Variants in FALEC observed in about 807,000 individuals in gnomAD.
FALEC encodes focally amplified lncRNA on chromosome 1.
the FALEC span, among the ~76,000 whole-genome samples, chr1:150,527,480 A>G: frequency 2.0e-5 from 3 of 151,836 alleles, no homozygotes; most frequent in Admixed American, 2.0e-4. Flanking sequence ...GCTGGTCTTA[A>G]GCTCCTGACC....
downstream of FALEC, among the ~76,000 whole-genome samples, chr1:150,519,815 G>A (rs751378777): frequency 6.6e-6 from 1 of 151,726 alleles, no homozygotes; most frequent in African/African-American, 2.4e-5. Flanking sequence ...GGAGTGAGCC[G>A]AGATTGTGCC....
downstream of FALEC, among the ~76,000 whole-genome samples, chr1:150,522,914 C>CATATATATATACGTGT (rs1553907941): frequency 2.6e-4 from 15 of 58,774 alleles, no homozygotes; most frequent in African/African-American, 1.3e-3. Context: ...CATATATATA[C>CATATATATATACGTGT]ATATATATAT....
chr1:150,522,945 G>T (rs1399558732), downstream of FALEC, among the ~76,000 whole-genome samples: 2 of 8,700 alleles, frequency 2.3e-4, 1 homozygote, highest in Non-Finnish European at 3.6e-4. Flanking sequence ...GTGTGTGTGT[G>T]TGTGTATATA....
chr1:150,526,546 T>TGAGTCTTGCTCTGTTTGC, the FALEC span, among the ~76,000 whole-genome samples: 1 of 151,412 alleles, frequency 6.6e-6, no homozygotes, highest in South Asian at 2.1e-4. Context: ...TTTTTGATTC[T>TGAGTCTTGCTCTGTTTGC]CCTGCCTCAG....
the FALEC span, among the ~76,000 whole-genome samples, chr1:150,529,848 C>A: frequency 2.5e-4 from 38 of 152,302 alleles, no homozygotes; most frequent in African/African-American, 8.4e-4. Flanking sequence ...CCGCCCACCT[C>A]AGCCTCCCAA....
chr1:150,532,573 T>TA, the FALEC span, among the ~76,000 whole-genome samples: 3 of 151,804 alleles, frequency 2.0e-5, no homozygotes, highest in African/African-American at 7.2e-5. Flanking sequence ...GGGCCAGGGG[T>TA]TGCCAGCACC....
chr1:150,529,051 A>G, the FALEC span, among the ~76,000 whole-genome samples: 1 of 143,730 alleles, frequency 7.0e-6, no homozygotes, highest in African/African-American at 2.5e-5. Flanking sequence ...CAAAGGATCT[A>G]GAGCACAGGT....
At chr1:150,536,091 G>A in the FALEC span, among the ~76,000 whole-genome samples, 10 of 152,288 alleles carry the variant, frequency 6.6e-5, 1 homozygote, top group Admixed American at 6.5e-4. Context: ...TGAGCTGTGT[G>A]GATTCCAAGT....
At chr1:150,530,399 C>G in the FALEC span, among the ~76,000 whole-genome samples, 1 of 152,154 alleles carries the variant, frequency 6.6e-6, no homozygotes, top group African/African-American at 2.4e-5. Context: ...TCTGATCATT[C>G]TCTCCCCTCT....
chr1:150,519,412 T>G (rs1206958164), downstream of FALEC, among the ~76,000 whole-genome samples: 2 of 152,242 alleles, frequency 1.3e-5, no homozygotes, highest in Non-Finnish European at 2.9e-5. Context: ...ATTACATTAT[T>G]AATTTTTAAA....
At chr1:150,530,939 C>A in the FALEC span, among the ~76,000 whole-genome samples, 1 of 152,204 alleles carries the variant, frequency 6.6e-6, no homozygotes, top group South Asian at 2.1e-4. Context: ...TCAGGAACAA[C>A]ACACCTCAGT....
downstream of FALEC, among the ~76,000 whole-genome samples, chr1:150,521,096 C>T (rs150685934): frequency 3.3e-5 from 5 of 152,116 alleles, no homozygotes; most frequent in South Asian, 4.2e-4. Context: ...CCACCACGCC[C>T]GGCCTCATTT....
intron 1 of FALEC, chr1:150,517,630 C>G: frequency 6.6e-6 from 1 of 152,272 alleles, no homozygotes; most frequent in African/African-American, 2.4e-5. Context: ...CTGTGAGATA[C>G]AAGAAGTTGG....
downstream of FALEC, among the ~76,000 whole-genome samples, chr1:150,522,270 A>G (rs1295248761): frequency 2.0e-5 from 3 of 147,986 alleles, no homozygotes; most frequent in Non-Finnish European, 4.5e-5. Context: ...AGAAAGAAAG[A>G]AAAGCCATGT....
chr1:150,534,407 C>T, the FALEC span, among the ~76,000 whole-genome samples: 1 of 152,202 alleles, frequency 6.6e-6, no homozygotes, highest in African/African-American at 2.4e-5. Flanking sequence ...CCAACAGGAT[C>T]GCTTTGCTCA....
At chr1:150,522,786 T>G (rs1670660065), downstream of FALEC, among the ~76,000 whole-genome samples, 1 of 148,154 alleles carries the variant, frequency 6.7e-6, no homozygotes, top group African/African-American at 2.5e-5. Flanking sequence ...TATCAATATT[T>G]TTCCTGTTGT....
chr1:150,517,115 A>G (rs1343144125), intron 1 of FALEC, among the ~76,000 whole-genome samples: 1 of 152,110 alleles, frequency 6.6e-6, no homozygotes, highest in Non-Finnish European at 1.5e-5. Flanking sequence ...CCTGACCAAC[A>G]TGGTGAAAGC....
chr1:150,519,713 C>T (rs1025738860), downstream of FALEC, among the ~76,000 whole-genome samples: 3 of 151,626 alleles, frequency 2.0e-5, no homozygotes, highest in Admixed American at 6.6e-5. Context: ...AAAAATTAGC[C>T]GGGCATGGTG....
chr1:150,518,430 G>A (rs780730882), downstream of FALEC, among the ~76,000 whole-genome samples: 2 of 150,722 alleles, frequency 1.3e-5, no homozygotes, highest in African/African-American at 2.4e-5. Flanking sequence ...TGTTGCCCAG[G>A]CTGGAGTGCA....
Sources: gnomAD v4.1 joint callset for allele counts (sites outside exome capture counted in the v4.1 genomes callset) on GRCh38, gnomAD v4.1.1 for gene constraint, MANE v1.5 for transcripts, NCBI Gene and HGNC (gene_info 2026-07-23, HGNC 2026-07-21) for gene names.